The following OR9Q1 variants were observed in gnomAD, a reference collection of about 807,000 sequenced individuals.
OR9Q1 encodes the protein olfactory receptor family 9 subfamily Q member 1, also known as olfactory receptor 9Q1.
For synonymous variants in OR9Q1, 153 were observed against 148.6 expected (o/e 1.03, Z -0.22); for missense variants, 374 against 378.8 (o/e 0.99, Z 0.11).
intron 2 of OR9Q1, among the ~76,000 whole-genome samples, chr11:58,141,144 T>C (rs1449957155): frequency 6.6e-6 from 1 of 152,216 alleles, no homozygotes; most frequent in Non-Finnish European, 1.5e-5. Flanking sequence ...TTTCTAGATA[T>C]ACAATCATGT....
At chr11:58,048,795 C>T (rs1200070473) in intron 1 of OR9Q1, among the ~76,000 whole-genome samples, 1 of 127,036 alleles carries the variant, frequency 7.9e-6, no homozygotes, top group Non-Finnish European at 1.6e-5. Flanking sequence ...ATACAAACTG[C>T]CATCAGAGAA....
intron 2 of OR9Q1, among the ~76,000 whole-genome samples, chr11:58,123,584 C>T (rs1419963079): frequency 6.6e-6 from 1 of 152,156 alleles, no homozygotes; most frequent in Non-Finnish European, 1.5e-5. Context: ...ATAGCTATGA[C>T]TATTTTATGG....
chr11:58,054,710 G>A lies in OR9Q1; in HGVS notation c.-92-1160G>A, dbSNP rs1044016342. On this transcript the variant is annotated intron_variant, in intron 1 of 2. Transcript: ENST00000335397. ...GGCCGAGGTGGGCGGATCACTTGAGGTCAGAAGTTTTGAGACCAGCCTGGG... is the reference window on the plus strand; with the variant it reads ...GGCCGAGGTGGGCGGATCACTTGAGATCAGAAGTTTTGAGACCAGCCTGGG... Among the ~76,000 whole-genome samples the A allele has an allele frequency of 8.2e-4, 7 of 8,560 alleles. No individual in the cohort carries two copies. In the Non-Finnish European group the frequency reaches 0.019, roughly 23 times the overall value. The allele number at this position is 8,560 out of a possible 152,430, so 5.6% of individuals were successfully genotyped here.
At chr11:58,123,869 G>A (rs554584346) in intron 2 of OR9Q1, among the ~76,000 whole-genome samples, 1 of 152,244 alleles carries the variant, frequency 6.6e-6, no homozygotes, top group East Asian at 1.9e-4. Flanking sequence ...GTTCTTTGTG[G>A]TCCATGTTTT....
At chr11:58,139,283 GT>G (rs11350123) in intron 2 of OR9Q1, among the ~76,000 whole-genome samples, 71,691 of 147,754 alleles carry the variant, frequency 0.49, 17,866 homozygotes, top group East Asian at 0.8. Context: ...ATGTGCAGCT[GT>G]TTTTTTTTTT....
At chr11:58,088,959 C>T (rs1040307999) in intron 2 of OR9Q1, among the ~76,000 whole-genome samples, 4 of 151,802 alleles carry the variant, frequency 2.6e-5, no homozygotes, top group Non-Finnish European at 4.4e-5. Flanking sequence ...TCACTGCAAC[C>T]TCCACCTCAT....
intron 2 of OR9Q1, among the ~76,000 whole-genome samples, chr11:58,068,345 C>G (rs552870645): frequency 1.7e-3 from 209 of 120,034 alleles, no homozygotes; most frequent in Non-Finnish European, 3.1e-3. Context: ...GACTCTGTCT[C>G]AAAAAGAAAA....
intron 1 of OR9Q1, chr11:58,031,711 C>T (rs7123727): frequency 0.25 from 410,548 of 1,613,496 alleles, 55,377 homozygotes; most frequent in Middle Eastern, 0.33. Context: ...CTGTGGTGAG[C>T]CTCTTCTATG....
intron 2 of OR9Q1, among the ~76,000 whole-genome samples, chr11:58,085,578 C>A (rs1853626420): frequency 6.6e-6 from 1 of 151,770 alleles, no homozygotes; most frequent in Non-Finnish European, 1.5e-5. Flanking sequence ...AAAACCTGGG[C>A]AAATACCTCT....
At chr11:58,117,735 G>A (rs538693477) in intron 2 of OR9Q1, 1 of 152,274 alleles carries the variant, frequency 6.6e-6, no homozygotes, top group African/African-American at 2.4e-5. Context: ...GTGAGGAGGA[G>A]AAGCAATGTA....
At position 58,148,475 on chromosome 11, in the gene OR9Q1, T is replaced by C. The variant is rs140966038; in HGVS notation, c.-14-30956T>C. ...CCAGATTTCTTTTTTTCCTCCTTGC[T>C]CCAATTCTATTTGTCTAAGCTACAG... is the stretch of plus-strand genomic sequence containing the variant. On this transcript the variant is annotated intron_variant, in intron 2 of 2. Coordinates refer to ENST00000335397, the MANE Select transcript of OR9Q1 (RefSeq NM_001005212.4). Among the ~76,000 whole-genome samples the C allele has an allele frequency of 2.6e-3, 392 of 152,244 alleles. 1 individual carries two copies. The highest frequency in any genetic ancestry group is 7.8e-3 in the African/African-American group (325 of 41,564).
chr11:58,135,488 T>C (rs774421817), intron 2 of OR9Q1, among the ~76,000 whole-genome samples: 67 of 152,252 alleles, frequency 4.4e-4, no homozygotes, highest in East Asian at 1.9e-4. Context: ...TGTACCTCAT[T>C]CCTTTTCCCT....
At chr11:58,166,760 G>A (rs1188400073) in intron 2 of OR9Q1, among the ~76,000 whole-genome samples, 1 of 152,150 alleles carries the variant, frequency 6.6e-6, no homozygotes, top group South Asian at 2.1e-4. Flanking sequence ...TTCAAAAGGA[G>A]GAAAGAAATG....
intron 2 of OR9Q1, among the ~76,000 whole-genome samples, chr11:58,104,167 A>C (rs1176179436): frequency 6.6e-6 from 1 of 152,206 alleles, no homozygotes; most frequent in Non-Finnish European, 1.5e-5. Context: ...TACTATCTGA[A>C]GCCAAAAATA....
chr11:58,171,293 T>C (rs1854552173), intron 2 of OR9Q1: 1 of 152,240 alleles, frequency 6.6e-6, no homozygotes, highest in South Asian at 2.1e-4. Flanking sequence ...TCTCCTTTTG[T>C]GCCTTCATCT....
At chr11:58,035,858 A>G (rs1430010276) in intron 1 of OR9Q1, among the ~76,000 whole-genome samples, 4 of 152,090 alleles carry the variant, frequency 2.6e-5, no homozygotes, top group Admixed American at 2.6e-4. Flanking sequence ...CAGATCAAAT[A>G]TAATAATCCA....
chr11:58,084,647 C>A (rs1853618189), intron 2 of OR9Q1, among the ~76,000 whole-genome samples: 1 of 151,834 alleles, frequency 6.6e-6, no homozygotes, highest in South Asian at 2.1e-4. Context: ...ATACACAAAT[C>A]AATAAATGTG....
At chr11:58,058,844 A>G (rs1272360009) in intron 2 of OR9Q1, among the ~76,000 whole-genome samples, 1 of 152,166 alleles carries the variant, frequency 6.6e-6, no homozygotes, top group East Asian at 1.9e-4. Context: ...AAAGTAACTC[A>G]AGAGCTTGGC....
intron 2 of OR9Q1, chr11:58,073,701 G>A (rs1161282036): frequency 2.6e-5 from 4 of 152,132 alleles, no homozygotes; most frequent in Admixed American, 6.6e-5. Context: ...TTGTTACATA[G>A]GTGTACATGT....
Sources: gnomAD v4.1 joint callset for allele counts (sites outside exome capture counted in the v4.1 genomes callset) on GRCh38, gnomAD v4.1.1 for gene constraint, MANE v1.5 for transcripts, NCBI Gene and HGNC (gene_info 2026-07-23, HGNC 2026-07-21) for gene names.